The following PTBP1 variants were observed in gnomAD, a reference collection of about 807,000 sequenced individuals.
The protein encoded by PTBP1 is polypyrimidine tract binding protein 1, also known as polypyrimidine tract-binding protein 1.
PTBP1 carries 8 observed loss-of-function variants against 59.8 expected under a neutral mutation model. The observed-to-expected ratio is 0.13, with a 90% confidence interval of 0.08 to 0.24. The LOEUF (loss-of-function observed/expected upper bound fraction) is 0.24, where lower values mean the gene tolerates loss of function less well. Among genes scored for constraint, PTBP1 ranks in the 10% least tolerant of loss-of-function variants. PTBP1 has a pLI of 1.00. For synonymous variants in PTBP1, 490 were observed against 320.7 expected, an observed-to-expected ratio of 1.53 and a Z score of -5.64; for missense variants, 686 against 767.0, an observed-to-expected ratio of 0.89 and a Z score of 1.25.
At chr19:806,642 G>A (rs1290786654) in intron 10 of PTBP1, 86 bp downstream of exon 10, 10 of 1,309,572 alleles carry the variant, frequency 7.6e-6, no homozygotes, top group Admixed American at 3.5e-5. Context: ...CCGGAGCAGC[G>A]CCGCCCCTCG....
chr19:809,579 C>G (rs1006776286), intron 13 of PTBP1, among the ~76,000 whole-genome samples: 1 of 152,144 alleles, frequency 6.6e-6, no homozygotes, highest in East Asian at 1.9e-4. Context: ...CTCGGCCTCC[C>G]AAAGTGCTGG....
rs1050968096 is a variant in PTBP1 at position 811,226 on chromosome 19, G to C, written c.*400G>C. Reference sequence around the variant, plus strand: ...TGTCCTGGGGACCCAAGGGGTGGGGGGGTCACACCAGAGAGAGGCAGGGGG... The same window carrying C: ...TGTCCTGGGGACCCAAGGGGTGGGGCGGTCACACCAGAGAGAGGCAGGGGG... On this transcript the variant is annotated 3_prime_UTR_variant, in exon 15 of 15. Transcript: ENST00000356948. The C allele has an allele frequency of 6.3e-6, 1 of 157,838 alleles. No homozygotes were observed. The allele number at this position is 157,838 out of a possible 1,614,324, so 9.8% of individuals were successfully genotyped here. A position where few individuals can be genotyped will look rare whatever the true frequency, so the allele number is the denominator to read the frequency against.
Position 799,296 on chromosome 19 carries a change from C to T in PTBP1, c.9-117C>T, listed in dbSNP as rs1166202232. 5 of 914,178 alleles carry T rather than the reference C, an allele frequency of 5.5e-6. No homozygotes were observed. In the African/African-American group the frequency reaches 6.5e-5, roughly 12 times the overall value. 56.6% of individuals were successfully genotyped at this position (914,178 alleles called of 1,614,324 possible). A position where few individuals can be genotyped will look rare whatever the true frequency, so the allele number is the denominator to read the frequency against. ...CGGGGCCTCGTGCAGCCAGAGGGAG[C>T]CCTGCGGAGGTGGCAGCTGCAGGGA... On this transcript the variant is annotated intron_variant, in intron 1 of 14. Coordinates refer to ENST00000356948, the MANE Select transcript of PTBP1 (RefSeq NM_002819.5).
chr19:811,974 C>T lies in PTBP1; in HGVS notation c.*1148C>T, dbSNP rs1043938528. On this transcript the variant is annotated 3_prime_UTR_variant, in exon 15 of 15. Transcript: ENST00000356948. ...GCCCCCGCGTCCTGTCCCGGGGGCTCTCCTAGGATCCCCTTTCCGTAAAAG... is the reference window on the plus strand; with the variant it reads ...GCCCCCGCGTCCTGTCCCGGGGGCTTTCCTAGGATCCCCTTTCCGTAAAAG... The T allele has an allele frequency of 1.3e-5, 2 of 152,278 alleles. No individual in the cohort carries two copies. Among genetic ancestry groups the T allele is most frequent in the Non-Finnish European group, 2.9e-5 (2 of 67,938 alleles). 9.4% of individuals were successfully genotyped at this position (152,278 alleles called of 1,614,324 possible).
At chr19:810,237 C>T (rs865840229) in intron 13 of PTBP1, among the ~76,000 whole-genome samples, 2 of 152,074 alleles carry the variant, frequency 1.3e-5, no homozygotes, top group African/African-American at 4.8e-5. Flanking sequence ...AACCTGCAGG[C>T]GGAGGTTGTG....
At position 808,493 on chromosome 19, in the gene PTBP1, C is replaced by T. The variant is rs368445493; in HGVS notation, c.1246+41C>T. 1.9e-4 allele frequency: 290 copies of T among 1,540,152 alleles called. No homozygotes were observed. The highest frequency in any genetic ancestry group is 3.6e-4 in the East Asian group (15 of 41,666). On this transcript the variant is annotated intron_variant, in intron 12 of 14. Transcript: ENST00000356948. The surrounding 1 kb of genome is among the most constrained non-coding windows in gnomAD (Gnocchi z 4.7). ...GGCCCCGGGGTGGAGGGGGCAGGGG[C>T]GGGGGCTGCGTTCCCTCTCGGGCGC...
At position 810,859 on chromosome 19, in the gene PTBP1, G is replaced by C; in HGVS notation, c.*33G>C. The C allele has an allele frequency of 1.3e-6, 2 of 1,500,858 alleles. No homozygotes were observed. Among genetic ancestry groups the C allele is most frequent in the Non-Finnish European group, 1.8e-6 (2 of 1,132,560 alleles). 93.0% of individuals were successfully genotyped at this position (1,500,858 alleles called of 1,614,324 possible). ...GGCCCCCACGGCCGGGCCCCCTGGC[G>C]ACAACTTCCATCATTCCAGAGAAAA... On this transcript the variant is annotated 3_prime_UTR_variant, in exon 15 of 15. Coordinates refer to ENST00000356948, the MANE Select transcript of PTBP1 (RefSeq NM_002819.5).
chr19:802,681 G>A (rs2034387227), intron 2 of PTBP1, among the ~76,000 whole-genome samples: 1 of 152,200 alleles, frequency 6.6e-6, no homozygotes, highest in Non-Finnish European at 1.5e-5. Context: ...CCTCAGACCC[G>A]AGCTTTGTTT....
In PTBP1 at chr19:808,793, C is replaced by T. The variant is rs1014789176; in HGVS notation, c.1463+31C>T. ...TGCTGGGCCGGGGGGCTCATGGGGC[C>T]GGGGGCGGGCAAGGGCTCTGCTTGG... On this transcript the variant is annotated intron_variant, in intron 13 of 14. Coordinates refer to ENST00000356948, the MANE Select transcript of PTBP1 (RefSeq NM_002819.5). This position sits in a 1 kb window ranked among gnomAD's most constrained non-coding sequence, Gnocchi z 4.7. The T allele has an allele frequency of 3.0e-5, 48 of 1,583,216 alleles. No individual in the cohort carries two copies. Among genetic ancestry groups the T allele is most frequent in the Middle Eastern group, 1.7e-4 (1 of 6,020 alleles).
Position 797,693 on chromosome 19 carries a change from C to G in PTBP1, c.8+188C>G, listed in dbSNP as rs1267304835. Among the ~76,000 whole-genome samples, 7 of 149,254 alleles carry G rather than the reference C, an allele frequency of 4.7e-5. No homozygotes were observed. The East Asian group carries it at 1.2e-3, about 25-fold the overall frequency. ...GTCAGGGGCTTCCCGGGGGTCTGGC[C>G]GCGTCCCCATCCCCCGTCCGGCCCG... On this transcript the variant is annotated intron_variant, in intron 1 of 14. Transcript: ENST00000356948.
intron 3 of PTBP1, 59 bp from the exon 4 acceptor site, chr19:803,977 A>T: frequency 6.3e-7 from 1 of 1,594,982 alleles, no homozygotes; most frequent in Non-Finnish European, 8.6e-7. Flanking sequence ...GATAGCAGGG[A>T]CCTTCCTCTG....
rs778763582 is a variant in PTBP1, at chr19:804,785, G to T, written c.607-44G>T. 1.9e-6 allele frequency: 3 copies of T among 1,609,086 alleles called. No homozygotes were observed. In the South Asian group the frequency reaches 3.3e-5, roughly 18 times the overall value. Reference sequence around the variant, plus strand: ...ACACGGGAGGGGCCTGGCAGGGCTGGTGGGCACCGGGCAGGAGCTCATGCT... The same window carrying T: ...ACACGGGAGGGGCCTGGCAGGGCTGTTGGGCACCGGGCAGGAGCTCATGCT... On this transcript the variant is annotated intron_variant, in intron 6 of 14. Coordinates refer to ENST00000356948, the MANE Select transcript of PTBP1 (RefSeq NM_002819.5).
rs1253702934 is a variant in PTBP1, at chr19:797,524, C to A, written c.8+19C>A. 6.7e-7 allele frequency: 1 copy of A among 1,497,262 alleles called. No homozygotes were observed. Among genetic ancestry groups the A allele is most frequent in the East Asian group, 2.8e-5 (1 of 35,542 alleles). 92.7% of individuals were successfully genotyped at this position (1,497,262 alleles called of 1,614,324 possible). ...TGGACGGGTGAGTCGCACGTCGCCC[C>A]GCGCCCCACCGCCCTCCCCGCGCCG... On this transcript the variant is annotated intron_variant, in intron 1 of 14. Coordinates refer to ENST00000356948, the MANE Select transcript of PTBP1 (RefSeq NM_002819.5).
chr19:805,191 A>C lies in PTBP1; in HGVS notation c.892+4A>C, dbSNP rs768840380. 5.1e-5 allele frequency: 82 copies of C among 1,612,880 alleles called. No individual in the cohort carries two copies. Among genetic ancestry groups the C allele is most frequent in the Non-Finnish European group, 6.7e-5 (79 of 1,179,626 alleles). On this transcript the variant is annotated splice_donor_region_variant and intron_variant, in intron 8 of 14. Transcript: ENST00000356948. ...CAGACCATGGCCGCGGCCTTCGGTA[A>C]GAGGCTGCCCGACGCGGCGCCAGTG...
In PTBP1 at chr19:812,190, G is replaced by A. The variant is rs1048902197; in HGVS notation, c.*1364G>A. On this transcript the variant is annotated 3_prime_UTR_variant, in exon 15 of 15. Coordinates refer to ENST00000356948, the MANE Select transcript of PTBP1 (RefSeq NM_002819.5). The stretch of plus-strand genomic sequence containing the variant: ...GCCTTACCCGATGGCTTGTGACGCG[G>A]AGAGAACCGATTAAAACCGTTTGAG... The A allele has an allele frequency of 1.3e-5, 2 of 152,444 alleles. No individual in the cohort carries two copies. Among genetic ancestry groups the A allele is most frequent in the African/African-American group, 4.8e-5 (2 of 41,456 alleles). The allele number at this position is 152,444 out of a possible 1,614,324, so 9.4% of individuals were successfully genotyped here.
rs755735292 is a variant in PTBP1, at chr19:810,858, C to G, written c.*32C>G. The G allele has an allele frequency of 2.7e-6, 4 of 1,499,694 alleles. No individual in the cohort carries two copies. The African/African-American group carries it at 5.7e-5, about 21-fold the overall frequency. The allele number at this position is 1,499,694 out of a possible 1,614,324, so 92.9% of individuals were successfully genotyped here. ...AGGCCCCCACGGCCGGGCCCCCTGG[C>G]GACAACTTCCATCATTCCAGAGAAA... On this transcript the variant is annotated 3_prime_UTR_variant, in exon 15 of 15. Transcript: ENST00000356948.
At chr19:805,254 C>G in intron 8 of PTBP1, 67 bp downstream of exon 8, 6 of 1,562,486 alleles carry the variant, frequency 3.8e-6, no homozygotes, top group Non-Finnish European at 4.4e-6. Context: ...GTCCGGAGCC[C>G]CGGCGGCACG....
intron 2 of PTBP1, 77 bp downstream of exon 2, chr19:799,520 G>T: frequency 2.7e-6 from 4 of 1,462,222 alleles, no homozygotes; most frequent in Non-Finnish European, 3.8e-6. Flanking sequence ...CCCCAGCGCT[G>T]TTGCGTTGGC....
chr19:807,498 T>C (rs1599238247), intron 10 of PTBP1: 2 of 260,196 alleles, frequency 7.7e-6, no homozygotes, highest in Non-Finnish European at 1.5e-5. Context: ...GAACACTACC[T>C]GATTCTTATG....
Sources: allele counts gnomAD v4.1 joint callset (sites outside exome capture counted in the v4.1 genomes callset), GRCh38; gene constraint gnomAD v4.1.1; non-coding constraint Gnocchi (gnomAD v3.1); transcripts MANE v1.5; gene names NCBI Gene and HGNC (gene_info 2026-07-23, HGNC 2026-07-21).